The following SYTL5 variants were observed in gnomAD, a reference collection of about 807,000 sequenced individuals.
The protein encoded by SYTL5 is synaptotagmin like 5.
SYTL5 carries 34 observed loss-of-function variants against 55.9 expected under a neutral mutation model. The observed-to-expected ratio is 0.61, with a 90% CI of 0.46 to 0.81. SYTL5 has a LOEUF of 0.81. SYTL5 is among the 30% of genes least tolerant of loss of function. The pLI, the probability that SYTL5 is intolerant of heterozygous loss-of-function variation, is 0.00. For missense variants in SYTL5, 637 were observed against 546.7 expected (o/e 1.17, Z -1.65); for synonymous variants, 221 against 188.7 (o/e 1.17, Z -1.40).
intron 2 of SYTL5, among the ~76,000 whole-genome samples, chrX:38,036,674 G>A (rs1196149530): frequency 8.9e-6 from 1 of 112,120 alleles, no homozygotes; most frequent in East Asian, 2.8e-4. Context: ...GTATTCAGAA[G>A]TCATTCCAAA....
At chrX:37,985,189 C>A in the SYTL5 span, among the ~76,000 whole-genome samples, 34 of 111,617 alleles carry the variant, frequency 3.0e-4, no homozygotes, top group African/African-American at 1.0e-3. Flanking sequence ...AAAATTAACT[C>A]TATTCATGAA....
the SYTL5 span, among the ~76,000 whole-genome samples, chrX:37,953,750 C>A: frequency 9.0e-6 from 1 of 111,483 alleles, no homozygotes; most frequent in Non-Finnish European, 1.9e-5. Context: ...AGTTGGGGAC[C>A]CCCACATTAG....
intron 2 of SYTL5, among the ~76,000 whole-genome samples, chrX:38,035,833 T>C (rs1935090858): frequency 9.1e-6 from 1 of 109,833 alleles, no homozygotes; most frequent in African/African-American, 3.3e-5. Context: ...AGGTGGAGGT[T>C]GCAGTAAGCC....
chrX:38,083,935 ACT>A (rs1441269826), intron 6 of SYTL5, among the ~76,000 whole-genome samples: 1 of 108,496 alleles, frequency 9.2e-6, no homozygotes, highest in Non-Finnish European at 1.9e-5. Flanking sequence ...GAAAACATAA[ACT>A]CTCTCTCTGA....
intron 2 of SYTL5, among the ~76,000 whole-genome samples, chrX:38,035,208 G>A (rs771574834): frequency 8.9e-6 from 1 of 112,162 alleles, no homozygotes; most frequent in Admixed American, 9.4e-5. Flanking sequence ...ATAGAATTCA[G>A]GTGGCAACAA....
At chrX:37,990,029 C>T in the SYTL5 span, among the ~76,000 whole-genome samples, 12 of 110,074 alleles carry the variant, frequency 1.1e-4, no homozygotes, top group Non-Finnish European at 1.5e-4. Context: ...CCCGCCACCA[C>T]GCCCGGCTAA....
At chrX:38,110,212 A>G in intron 12 of SYTL5, 109 bp from the exon 13 acceptor site, 3 of 484,278 alleles carry the variant, frequency 6.2e-6, no homozygotes, top group Non-Finnish European at 9.7e-6. Context: ...TGTTTTGTTC[A>G]TATTACTGAT....
At chrX:37,908,364 A>T in the SYTL5 span, among the ~76,000 whole-genome samples, 1 of 111,456 alleles carries the variant, frequency 9.0e-6, no homozygotes, top group Non-Finnish European at 1.9e-5. Context: ...CCTTCCCCAA[A>T]TTTATCTAAC....
intron 2 of SYTL5, among the ~76,000 whole-genome samples, chrX:38,044,947 G>C (rs1393865115): frequency 8.9e-6 from 1 of 111,776 alleles, no homozygotes; most frequent in Admixed American, 9.5e-5. Context: ...AAACAGCAAG[G>C]TATCAAATTG....
chrX:37,964,771 A>C, the SYTL5 span, among the ~76,000 whole-genome samples: 2 of 110,217 alleles, frequency 1.8e-5, no homozygotes, highest in East Asian at 2.8e-4. Context: ...CATTCTCATT[A>C]TCATTATATA....
chrX:38,025,046 G>A (rs1272155245), intron 1 of SYTL5, among the ~76,000 whole-genome samples: 1 of 111,899 alleles, frequency 8.9e-6, no homozygotes, highest in Non-Finnish European at 1.9e-5. Flanking sequence ...CCTTTTGACA[G>A]TCTTGTGGAC....
intron 1 of SYTL5, among the ~76,000 whole-genome samples, chrX:38,019,725 G>C (rs1322843471): frequency 9.0e-6 from 1 of 111,186 alleles, no homozygotes; most frequent in Non-Finnish European, 1.9e-5. Flanking sequence ...CACCTCCCAC[G>C]TGGAGGGTGC....
the SYTL5 span, among the ~76,000 whole-genome samples, chrX:37,917,187 A>G: frequency 9.0e-6 from 1 of 111,368 alleles, no homozygotes; most frequent in African/African-American, 3.3e-5. Flanking sequence ...TGAAGTAGTG[A>G]CTGTCAGATT....
chrX:38,093,786 C>T (rs1413332772), intron 7 of SYTL5, among the ~76,000 whole-genome samples: 14 of 109,569 alleles, frequency 1.3e-4, no homozygotes, highest in Non-Finnish European at 2.7e-4. Context: ...TAGATGTAAC[C>T]ACCCATATTC....
At chrX:37,961,766 CTTAT>C in the SYTL5 span, among the ~76,000 whole-genome samples, 6 of 111,786 alleles carry the variant, frequency 5.4e-5, no homozygotes, top group Admixed American at 9.5e-5. Context: ...ATTGATGGTA[CTTAT>C]TTATTTTTTA....
In SYTL5 at chrX:38,009,061, C is replaced by G. The variant is rs768062117; in HGVS notation, c.-357+2393C>G. On this transcript the variant is annotated intron_variant, in intron 1 of 16. Coordinates refer to ENST00000297875, the MANE Select transcript of SYTL5 (RefSeq NM_138780.3). ...CTCTATGTGACACACATGATCAATTCCTACTTCTTAAATTTTCTCTTTCCT... is the reference window on the plus strand; with the variant it reads ...CTCTATGTGACACACATGATCAATTGCTACTTCTTAAATTTTCTCTTTCCT... Among the ~76,000 whole-genome samples, 136 of 111,791 alleles carry G rather than the reference C, an allele frequency of 1.2e-3. 2 individuals are homozygous for G. Among genetic ancestry groups the G allele is most frequent in the African/African-American group, 4.3e-3 (131 of 30,815 alleles).
chrX:37,993,970 C>T, the SYTL5 span, among the ~76,000 whole-genome samples: 385 of 112,177 alleles, frequency 3.4e-3, 3 homozygotes, highest in South Asian at 0.014. Context: ...CAACCAGGTT[C>T]CTCTCAAAAA....
the SYTL5 span, among the ~76,000 whole-genome samples, chrX:37,893,815 T>C: frequency 1.0e-5 from 1 of 100,011 alleles, no homozygotes; most frequent in Non-Finnish European, 2.0e-5. Flanking sequence ...CTATATATTA[T>C]ATAGAGATTA....
At chrX:38,124,583 G>A (rs376899088) in intron 15 of SYTL5, among the ~76,000 whole-genome samples, 6 of 111,844 alleles carry the variant, frequency 5.4e-5, no homozygotes, top group East Asian at 5.6e-4. Context: ...GGATACAGGC[G>A]TTTTATTTGA....
Sources: gnomAD v4.1 joint callset for allele counts (sites outside exome capture counted in the v4.1 genomes callset) on GRCh38, gnomAD v4.1.1 for gene constraint, MANE v1.5 for transcripts, NCBI Gene and HGNC (gene_info 2026-07-23, HGNC 2026-07-21) for gene names.